The following LAMB4 variants were observed in gnomAD, a reference collection of about 807,000 sequenced individuals.
LAMB4 encodes laminin subunit beta 4, also known as laminin subunit beta-4.
Under a neutral mutation model 199.2 loss-of-function variants are expected in LAMB4, and 196 were observed. The observed-to-expected ratio is 0.98, with a 90% CI of 0.88 to 1.11. LAMB4 has a LOEUF of 1.11. Ranked by LOEUF, LAMB4 falls within the 50% of genes least tolerant of loss-of-function variation. The pLI, the probability that LAMB4 is intolerant of heterozygous loss-of-function variation, is 0.00. For synonymous variants in LAMB4, 744 were observed against 770.6 expected (o/e 0.97, Z 0.57); for missense variants, 2,080 against 2,171.2 (o/e 0.96, Z 0.83).
At chr7:108,119,137 A>G (rs1487785696) in intron 2 of LAMB4, among the ~76,000 whole-genome samples, 1 of 152,214 alleles carries the variant, frequency 6.6e-6, no homozygotes, top group Non-Finnish European at 1.5e-5. Context: ...TAGTGATAAC[A>G]CCAGATGCTA....
intron 5 of LAMB4, among the ~76,000 whole-genome samples, chr7:108,108,834 CA>C (rs2150665292): frequency 6.6e-6 from 1 of 152,180 alleles, no homozygotes; most frequent in Non-Finnish European, 1.5e-5. Context: ...CCCTTGATTA[CA>C]ACCTTTCCAT....
At chr7:108,069,681 A>G in intron 18 of LAMB4, 27 bp downstream of exon 18, 2 of 1,597,992 alleles carry the variant, frequency 1.3e-6, no homozygotes, top group Non-Finnish European at 1.7e-6. Flanking sequence ...TCAGTGCCTC[A>G]GTAGAGCCCA....
intron 2 of LAMB4, among the ~76,000 whole-genome samples, chr7:108,119,617 G>T (rs928935728): frequency 1.3e-5 from 2 of 152,110 alleles, no homozygotes; most frequent in Non-Finnish European, 2.9e-5. Context: ...AAGGCAGAGG[G>T]GGAGGGAGGT....
rs775185498 is a variant in LAMB4 at position 108,029,102 on chromosome 7, A to G, written c.5087T>C (p.Leu1696Pro). ...TKETLGKVKQ[L>P]KDAAEKLAGD... is the part of the protein sequence containing the mutation. The stretch of plus-strand genomic sequence containing the variant: ...AGCCAATTTTTCTGCCGCATCTTTT[A>G]GCTGTTTAACTTTTCCTAATGTCTC... The change falls in exon 33 of 34, where the codon CTA becomes CCA. Residue 1696 changes from leucine (L) to proline (P), a missense_variant. Physicochemically the swap from Leu to Pro is moderately conservative, Grantham distance 98 (BLOSUM62 -3). Transcript: ENST00000388781. 2 of 1,614,136 alleles carry G rather than the reference A, an allele frequency of 1.2e-6. No individual in the cohort carries two copies. The highest frequency in any genetic ancestry group is 2.2e-5 in the South Asian group (2 of 91,072).
At chr7:108,078,168 C>T (rs971592054) in intron 16 of LAMB4, 33 bp downstream of exon 16, 11 of 1,374,326 alleles carry the variant, frequency 8.0e-6, no homozygotes, top group African/African-American at 1.4e-5. Flanking sequence ...TTCTAAGAAG[C>T]TTTCAATGTT....
downstream of LAMB4, among the ~76,000 whole-genome samples, chr7:108,023,129 A>G (rs765057192): frequency 3.9e-5 from 6 of 152,096 alleles, no homozygotes; most frequent in Non-Finnish European, 8.8e-5. Context: ...TCTATTTTTT[A>G]TGAGTCAGTC....
intron 29 of LAMB4, among the ~76,000 whole-genome samples, chr7:108,038,020 C>T (rs531546615): frequency 1.7e-4 from 26 of 152,256 alleles, no homozygotes; most frequent in African/African-American, 5.5e-4. Context: ...TCTGGTCCTC[C>T]ATGACATTAA....
In LAMB4 at chr7:108,032,439, C is replaced by T. The variant is rs138057983; in HGVS notation, c.4819-1460G>A. 1.6e-4 allele frequency among the ~76,000 whole-genome samples: 25 copies of T among 151,952 alleles called. No individual in the cohort carries two copies. In the East Asian group the frequency reaches 4.6e-3, roughly 28 times the overall value. ...TAAAAAGGCAATTTGTTTCTTTACA[C>T]GTCTGGGGGAAATTCTTGATGGCTA... On this transcript the variant is annotated intron_variant, in intron 31 of 33. Coordinates refer to ENST00000388781, the MANE Select transcript of LAMB4 (RefSeq NM_007356.3).
intron 33 of LAMB4, among the ~76,000 whole-genome samples, chr7:108,024,535 T>C (rs1338126019): frequency 6.6e-6 from 1 of 152,226 alleles, no homozygotes; most frequent in Non-Finnish European, 1.5e-5. Context: ...TTTTAAAACA[T>C]GTTCTTTAGT....
At chr7:108,066,337 C>T in intron 20 of LAMB4, 32 bp downstream of exon 20, 1 of 1,512,640 alleles carries the variant, frequency 6.6e-7, no homozygotes, top group Non-Finnish European at 9.2e-7. Context: ...GTGTTAAAGA[C>T]CTAAAAATTA....
In LAMB4 at chr7:108,029,069, G is replaced by A; in HGVS notation, c.5120C>T (p.Thr1707Ile). 1 of 1,613,964 alleles carries A rather than the reference G, an allele frequency of 6.2e-7. No homozygotes were observed. The highest frequency in any genetic ancestry group is 8.5e-7 in the Non-Finnish European group (1 of 1,179,954). ...KDAAEKLAGDTEAKIRRITDL... is the reference protein window; with the variant it reads ...KDAAEKLAGDIEAKIRRITDL... ...TGTTATTCTTCTTATCTTGGCCTCT[G>A]TATCTCCAGCCAATTTTTCTGCCGC... Residue 1707 changes from threonine (T) to isoleucine (I), a missense_variant, in exon 33 of 34, where the codon ACA (threonine) becomes ATA (isoleucine). Physicochemically the swap from Thr to Ile is moderately conservative, Grantham distance 89. Coordinates refer to ENST00000388781, the MANE Select transcript of LAMB4 (RefSeq NM_007356.3).
chr7:108,111,946 C>T lies in LAMB4; in HGVS notation c.193G>A (p.Gly65Arg), dbSNP rs752435977. 1 of 1,587,296 alleles carries T rather than the reference C, an allele frequency of 6.3e-7. No homozygotes were observed. The highest frequency in any genetic ancestry group is 8.5e-7 in the Non-Finnish European group (1 of 1,171,608). Residue 65 changes from glycine to arginine, a missense_variant and splice_region_variant, in exon 4 of 34, where the codon GGG (glycine) becomes AGG (arginine). Physicochemically the swap from Gly to Arg is moderately radical, Grantham distance 125. Coordinates refer to ENST00000388781, the MANE Select transcript of LAMB4 (RefSeq NM_007356.3). ...QKYCILSYLE[G>R]EQKCFICDSR... ...TCACAGATGAAGCATTTTTGTTCCC[C>T]CTGGAAAACACCATTATTAAAATTA... is the stretch of plus-strand genomic sequence containing the variant.
At chr7:108,049,133 G>C (rs1302920420) in intron 27 of LAMB4, among the ~76,000 whole-genome samples, 193 bp downstream of exon 27, 7 of 151,136 alleles carry the variant, frequency 4.6e-5, no homozygotes, top group African/African-American at 1.7e-4. Flanking sequence ...ATCAATTTTT[G>C]AGTTAAATAA....
chr7:108,046,506 C>T (rs1000281679), intron 28 of LAMB4, among the ~76,000 whole-genome samples: 2 of 151,608 alleles, frequency 1.3e-5, no homozygotes, highest in Non-Finnish European at 1.5e-5. Context: ...AGGCTCTTTG[C>T]GTATTGTCAA....
intron 23 of LAMB4, among the ~76,000 whole-genome samples, chr7:108,061,172 C>T (rs959557398): frequency 6.6e-5 from 10 of 152,044 alleles, no homozygotes; most frequent in African/African-American, 2.4e-4. Context: ...GAGAAACTGT[C>T]GCAGCCAAGA....
intron 1 of LAMB4, among the ~76,000 whole-genome samples, chr7:108,128,573 C>A (rs2038875475): frequency 6.6e-6 from 1 of 152,092 alleles, no homozygotes; most frequent in African/African-American, 2.4e-5. Context: ...TTCTATTTCC[C>A]ATTTTAGGAG....
At position 108,104,528 on chromosome 7, in the gene LAMB4, G is replaced by T; in HGVS notation, c.962C>A (p.Ala321Asp). 1 of 1,614,256 alleles carries T rather than the reference G, an allele frequency of 6.2e-7. No homozygotes were observed. The highest frequency in any genetic ancestry group is 8.5e-7 in the Non-Finnish European group (1 of 1,180,042). ...GCAAGCGTTGTCCTGGAGGTCTGCA[G>T]CTGGCCTCCAAGGAGCATCCTGGAA... ...DFFQDAPWRP[A>D]ADLQDNACRS... The change falls in exon 9 of 34, where the codon GCT becomes GAT. Residue 321 changes from alanine (A) to aspartate (D), a missense_variant. By Grantham distance (126) the Ala-to-Asp change is moderately radical (BLOSUM62 -2). Transcript: ENST00000388781.
In LAMB4 at chr7:108,116,124, G is replaced by C; in HGVS notation, c.72C>G (p.Asn24Lys). ...CAGTGGTGGGATGACAGGCACCCCT[G>C]TTGCAGTCATCTTGAGCTTTTGAGT... ...LSYSKAQDDC[N>K]RGACHPTTGD... The change falls in exon 3 of 34, where the codon AAC becomes AAG. Residue 24 changes from asparagine to lysine, a missense_variant. Physicochemically the swap from Asn to Lys is moderately conservative, Grantham distance 94. Transcript: ENST00000388781. 1 of 1,614,030 alleles carries C rather than the reference G, an allele frequency of 6.2e-7. No homozygotes were observed.
At chr7:108,073,952 G>A (rs1252771750) in intron 17 of LAMB4, among the ~76,000 whole-genome samples, 1 of 152,008 alleles carries the variant, frequency 6.6e-6, no homozygotes, top group African/African-American at 2.4e-5. Context: ...ACAGTGGGGC[G>A]GGTGGTGGTG....
Sources: allele counts gnomAD v4.1 joint callset (sites outside exome capture counted in the v4.1 genomes callset), GRCh38; gene constraint gnomAD v4.1.1; transcripts MANE v1.5; gene names NCBI Gene and HGNC (gene_info 2026-07-23, HGNC 2026-07-21).